THBS4: variants seen among roughly 807,000 people sequenced by gnomAD.
THBS4 encodes thrombospondin-4.
Under a neutral mutation model 115.7 loss-of-function variants are expected in THBS4, and 90 were observed. That is an observed-to-expected ratio of 0.78 (90% CI 0.66 to 0.93). The LOEUF is 0.93. Among genes scored for constraint, THBS4 ranks in the 40% least tolerant of loss-of-function variants. THBS4 has a pLI of 0.00. For missense variants in THBS4, 1,087 were observed against 1,232.7 expected, an observed-to-expected ratio of 0.88 and a Z score of 1.77; for synonymous variants, 460 against 479.3, an observed-to-expected ratio of 0.96 and a Z score of 0.53.
chr5:80,071,014 C>T lies in THBS4; in HGVS notation c.1561-7C>T, dbSNP rs1234451621. Reference sequence around the variant, plus strand: ...TCTGAGTGATGTTCTGTCCTTTCATCTTTTAGGATAACTGTGTCCTGATTC... The same window carrying T: ...TCTGAGTGATGTTCTGTCCTTTCATTTTTTAGGATAACTGTGTCCTGATTC... On this transcript the variant is annotated splice_region_variant and splice_polypyrimidine_tract_variant and intron_variant, in intron 12 of 21. Coordinates refer to ENST00000350881, the MANE Select transcript of THBS4 (RefSeq NM_003248.6). 19 of 1,612,176 alleles carry T rather than the reference C, an allele frequency of 1.2e-5. No individual in the cohort carries two copies. Among genetic ancestry groups the T allele is most frequent in the Non-Finnish European group, 1.5e-5 (18 of 1,179,644 alleles).
intron 2 of THBS4, among the ~76,000 whole-genome samples, chr5:80,008,570 A>G (rs1437649499): frequency 1.3e-5 from 2 of 152,164 alleles, no homozygotes; most frequent in South Asian, 2.1e-4. Context: ...CTGCCCCTGA[A>G]TAAGATCCAA....
chr5:80,045,316 A>G (rs1443357284), intron 2 of THBS4, among the ~76,000 whole-genome samples: 1 of 152,136 alleles, frequency 6.6e-6, no homozygotes, highest in Non-Finnish European at 1.5e-5. Context: ...AAGGAAACCC[A>G]AAGTGTTTGC....
At chr5:80,048,063 C>T (rs1234396629) in intron 2 of THBS4, among the ~76,000 whole-genome samples, 12 of 152,044 alleles carry the variant, frequency 7.9e-5, no homozygotes, top group African/African-American at 2.7e-4. Flanking sequence ...AGCAGTGAGC[C>T]GTGATCATGC....
chr5:80,061,936 G>A (rs1048992496), intron 8 of THBS4, 104 bp downstream of exon 8: 1 of 1,281,000 alleles, frequency 7.8e-7, no homozygotes, highest in Non-Finnish European at 1.0e-6. Flanking sequence ...AGCAGTCAAG[G>A]CCATGTGGAA....
intron 2 of THBS4, among the ~76,000 whole-genome samples, chr5:80,027,305 C>T (rs977230974): frequency 6.6e-6 from 1 of 152,112 alleles, no homozygotes; most frequent in Non-Finnish European, 1.5e-5. Context: ...GAATCCCCAC[C>T]CTCTCCTTGT....
chr5:80,011,672 A>G (rs1832129062), intron 2 of THBS4, among the ~76,000 whole-genome samples: 1 of 152,208 alleles, frequency 6.6e-6, no homozygotes, highest in African/African-American at 2.4e-5. Flanking sequence ...CACCAAACTT[A>G]GGTAGGCTTC....
intron 1 of THBS4, among the ~76,000 whole-genome samples, chr5:80,036,968 CTG>C (rs1832738344): frequency 6.6e-6 from 1 of 152,164 alleles, no homozygotes; most frequent in African/African-American, 2.4e-5. Flanking sequence ...ACAACCAGAA[CTG>C]TGGTTTCAGG....
At chr5:80,003,824 C>T (rs964026473) in intron 2 of THBS4, among the ~76,000 whole-genome samples, 1 of 152,206 alleles carries the variant, frequency 6.6e-6, no homozygotes, top group Non-Finnish European at 1.5e-5. Flanking sequence ...TCCTCTATAG[C>T]ATCTGGTATT....
chr5:80,065,777 G>A (rs970919631), intron 9 of THBS4, among the ~76,000 whole-genome samples: 1 of 152,104 alleles, frequency 6.6e-6, no homozygotes, highest in Non-Finnish European at 1.5e-5. Flanking sequence ...TTTTAAAATT[G>A]TGAAGAGCTT....
chr5:80,019,127 A>G (rs888223066), intron 2 of THBS4, among the ~76,000 whole-genome samples: 1 of 152,084 alleles, frequency 6.6e-6, no homozygotes, highest in African/African-American at 2.4e-5. Context: ...TGGAACTACA[A>G]AACCACAAGA....
intron 1 of THBS4, among the ~76,000 whole-genome samples, chr5:79,996,731 TTAAA>T (rs1831801899): frequency 6.6e-6 from 1 of 152,192 alleles, no homozygotes; most frequent in Non-Finnish European, 1.5e-5. Flanking sequence ...TGAAAAAGAA[TTAAA>T]TGAAACCAAA....
chr5:80,069,432 A>G (rs1219607908), intron 10 of THBS4, among the ~76,000 whole-genome samples: 1 of 152,216 alleles, frequency 6.6e-6, no homozygotes, highest in Non-Finnish European at 1.5e-5. Context: ...TTATTACCAA[A>G]AAGCAGTCAT....
intron 7 of THBS4, among the ~76,000 whole-genome samples, chr5:80,060,990 T>C (rs1833613138): frequency 6.6e-6 from 1 of 152,172 alleles, no homozygotes; most frequent in Non-Finnish European, 1.5e-5. Flanking sequence ...CTCAGCTGAT[T>C]ACCTTCGCTA....
chr5:80,036,462 T>C (rs142177243), intron 1 of THBS4, among the ~76,000 whole-genome samples: 35 of 152,336 alleles, frequency 2.3e-4, no homozygotes, highest in African/African-American at 8.2e-4. Context: ...TCCCACCTTA[T>C]GCAATGCACC....
In THBS4 at chr5:80,040,074, C is replaced by A; in HGVS notation, c.89-3C>A. On this transcript the variant is annotated splice_polypyrimidine_tract_variant and splice_region_variant and intron_variant, in intron 1 of 21. Transcript: ENST00000350881. ...TATACCCCTTCTTCTCCCTTCTTCCCAGTCTTTGACCTTCTCCCATCTTCC... is the reference window on the plus strand; with the variant it reads ...TATACCCCTTCTTCTCCCTTCTTCCAAGTCTTTGACCTTCTCCCATCTTCC... 6.2e-7 allele frequency: 1 copy of A among 1,614,008 alleles called. No individual in the cohort carries two copies. The highest frequency in any genetic ancestry group is 8.5e-7 in the Non-Finnish European group (1 of 1,179,926).
intron 1 of THBS4, among the ~76,000 whole-genome samples, chr5:80,037,557 C>G (rs1237748013): frequency 1.3e-5 from 2 of 152,168 alleles, no homozygotes; most frequent in African/African-American, 4.8e-5. Context: ...TCAAAACACT[C>G]TCTATGTTCA....
At chr5:80,049,726 G>C (rs9293799) in intron 2 of THBS4, among the ~76,000 whole-genome samples, 1 of 152,012 alleles carries the variant, frequency 6.6e-6, no homozygotes, top group South Asian at 2.1e-4. Flanking sequence ...GGGACTTAAG[G>C]TGGTGGGAAG....
chr5:80,067,750 A>G, intron 9 of THBS4: 1 of 492,820 alleles, frequency 2.0e-6, no homozygotes, highest in South Asian at 2.3e-5. Flanking sequence ...CTTCACTTCT[A>G]TTCCTTCTTT....
At chr5:80,070,546 G>A in intron 11 of THBS4, 97 bp from the exon 12 acceptor site, 2 of 1,388,500 alleles carry the variant, frequency 1.4e-6, no homozygotes, top group Non-Finnish European at 2.0e-6. Context: ...AAGTGAAACA[G>A]CCACCAACAA....
Sources: allele counts gnomAD v4.1 joint callset (sites outside exome capture counted in the v4.1 genomes callset), GRCh38; gene constraint gnomAD v4.1.1; transcripts MANE v1.5; gene names NCBI Gene and HGNC (gene_info 2026-07-23, HGNC 2026-07-21).